SNTB2: variants seen among roughly 807,000 people sequenced by gnomAD.
SNTB2 encodes beta-2-syntrophin.
SNTB2 carries 34 observed loss-of-function variants against 46.2 expected under a neutral mutation model. The ratio of observed to expected loss-of-function variants is 0.74; its 90% CI spans 0.56 to 0.98. SNTB2 has a LOEUF of 0.98. SNTB2 is among the 50% of genes least tolerant of loss of function. SNTB2 has a pLI of 0.00. For missense variants in SNTB2, 603 were observed against 731.4 expected (o/e 0.82, Z 2.02); for synonymous variants, 290 against 312.6 (o/e 0.93, Z 0.76).
chr16:69,195,443 A>ATT (rs71383971), intron 1 of SNTB2, among the ~76,000 whole-genome samples: 42 of 139,094 alleles, frequency 3.0e-4, no homozygotes, highest in Admixed American at 6.5e-4. Context: ...CCTGGTTTGC[A>ATT]TTTTTTTTTT....
At position 69,308,298 on chromosome 16, in the gene SNTB2, C is replaced by T. The variant is rs1057285312; in HGVS notation, c.*7374C>T. 12 of 152,610 alleles carry T rather than the reference C, an allele frequency of 7.9e-5. No homozygotes were observed. Among genetic ancestry groups the T allele is most frequent in the African/African-American group, 2.9e-4 (12 of 41,430 alleles). 9.5% of individuals were successfully genotyped at this position (152,610 alleles called of 1,614,324 possible). ...AGCGGGTGTCAGTTGTGTCTTTTCA[C>T]CTCGATTTGTGAATTAATAGAATTG... On this transcript the variant is annotated 3_prime_UTR_variant, in exon 7 of 7. Coordinates refer to ENST00000336278, the MANE Select transcript of SNTB2 (RefSeq NM_006750.4).
chr16:69,258,157 C>G (rs1964796282), intron 2 of SNTB2, among the ~76,000 whole-genome samples: 1 of 152,158 alleles, frequency 6.6e-6, no homozygotes, highest in Admixed American at 6.5e-5. Flanking sequence ...CAAAAACTGT[C>G]TTCAGAAAAT....
chr16:69,290,873 A>G (rs1032755225), intron 5 of SNTB2, among the ~76,000 whole-genome samples: 1 of 152,186 alleles, frequency 6.6e-6, no homozygotes, highest in Non-Finnish European at 1.5e-5. Context: ...CCAGAACTAG[A>G]GCCTTAAGCC....
chr16:69,260,645 A>G (rs1430591021), intron 3 of SNTB2, among the ~76,000 whole-genome samples: 1 of 152,214 alleles, frequency 6.6e-6, no homozygotes, highest in Admixed American at 6.5e-5. Context: ...CAACTGTCAT[A>G]GGCAATAGGA....
At chr16:69,204,044 C>T (rs1964191090) in intron 1 of SNTB2, among the ~76,000 whole-genome samples, 1 of 152,180 alleles carries the variant, frequency 6.6e-6, no homozygotes. Flanking sequence ...AGGCACCCGC[C>T]ACCACGCCTG....
chr16:69,260,177 G>A lies in SNTB2; in HGVS notation c.922G>A (p.Ala308Thr). The A allele has an allele frequency of 1.2e-6, 2 of 1,614,124 alleles. No homozygotes were observed. Among genetic ancestry groups the A allele is most frequent in the Non-Finnish European group, 1.7e-6 (2 of 1,180,036 alleles). ...AATGGCTCTCCTCCCACAGGTGTTG[G>A]CTGAACTCAACGCCATGCTTGGGGC... ...NIMALLPQVL[A>T]ELNAMLGATS... Residue 308 changes from alanine to threonine, a missense_variant, in exon 3 of 7, where the codon GCT (alanine) becomes ACT (threonine). Ala to Thr is a moderately conservative substitution (Grantham distance 58). Around this residue, in one of 2 missense-constraint regions of SNTB2, gnomAD observed 537 missense variants for 692.4 expected, o/e 0.78. Transcript: ENST00000336278.
intron 2 of SNTB2, among the ~76,000 whole-genome samples, chr16:69,255,608 C>A (rs369927014): frequency 8.7e-4 from 131 of 150,868 alleles, no homozygotes; most frequent in Non-Finnish European, 1.2e-3. Context: ...GGGCTGGGCA[C>A]GATGGTTCAT....
Position 69,187,418 on chromosome 16 carries a change from CG to C in SNTB2, c.255del (p.Ser86AlafsTer34). Reference protein sequence around the residue: ...NGGGAGDSLPGSPSRGLGPPS... With the variant: ...NGGGAGDSLPXSPSRGLGPPS... The stretch of plus-strand genomic sequence containing the variant: ...GCGGCGGCGCGGGCGACTCGCTGCC[CG>C]GGAGCCCAAGCCGCGGCCTGGGGCC... On this transcript the variant is annotated frameshift_variant, in exon 1 of 7. Transcript: ENST00000336278. LOFTEE classifies it high-confidence loss of function. The C allele has an allele frequency of 8.2e-7, 1 of 1,222,692 alleles. No homozygotes were observed. Among genetic ancestry groups the C allele is most frequent in the Non-Finnish European group, 1.0e-6 (1 of 984,078 alleles). The allele number at this position is 1,222,692 out of a possible 1,614,324, so 75.7% of individuals were successfully genotyped here.
chr16:69,300,747 A>G, intron 6 of SNTB2, 85 bp from the exon 7 acceptor site: 1 of 931,018 alleles, frequency 1.1e-6, no homozygotes, highest in Non-Finnish European at 1.8e-6. Context: ...TTCTTTACCT[A>G]CCTTAAATTT....
At chr16:69,226,299 G>C in intron 1 of SNTB2, among the ~76,000 whole-genome samples, 1 of 151,684 alleles carries the variant, frequency 6.6e-6, no homozygotes, top group East Asian at 1.9e-4. Context: ...TTGAACTCCT[G>C]ACCTTAGGTG....
chr16:69,199,812 T>C (rs1175242373), intron 1 of SNTB2, among the ~76,000 whole-genome samples: 7 of 152,104 alleles, frequency 4.6e-5, no homozygotes, highest in Admixed American at 2.0e-4. Flanking sequence ...AGTTTAAGAC[T>C]TAGATGCCAA....
chr16:69,258,655 A>G (rs1012070163), intron 2 of SNTB2, among the ~76,000 whole-genome samples: 2 of 124,492 alleles, frequency 1.6e-5, no homozygotes, highest in Non-Finnish European at 3.1e-5. Context: ...TTTGTCGCCC[A>G]GGCTGGAGTG....
intron 4 of SNTB2, among the ~76,000 whole-genome samples, chr16:69,280,642 C>T (rs953569561): frequency 6.6e-6 from 1 of 152,176 alleles, no homozygotes; most frequent in Non-Finnish European, 1.5e-5. Context: ...AGAGGGGCTC[C>T]TCACTTCCCA....
intron 1 of SNTB2, among the ~76,000 whole-genome samples, chr16:69,198,528 A>G (rs767928524): frequency 3.3e-5 from 5 of 152,090 alleles, no homozygotes; most frequent in South Asian, 2.1e-4. Flanking sequence ...TTATTCCTCT[A>G]CCACTTACAT....
At chr16:69,266,330 C>G (rs1434580969) in intron 3 of SNTB2, among the ~76,000 whole-genome samples, 1 of 152,110 alleles carries the variant, frequency 6.6e-6, no homozygotes, top group East Asian at 1.9e-4. Context: ...GGCCATTGTC[C>G]TCCAGCCTGG....
intron 1 of SNTB2, among the ~76,000 whole-genome samples, chr16:69,239,074 CACTCCTGTTAGTA>C (rs1964585509): frequency 6.6e-6 from 1 of 152,170 alleles, no homozygotes; most frequent in South Asian, 2.1e-4. Flanking sequence ...TACTGTCTAA[CACTCCTGTTAGTA>C]ACTCCTGTTA....
Position 69,304,027 on chromosome 16 carries a change from A to C in SNTB2, c.*3103A>C, listed in dbSNP as rs1393371180. 6.6e-6 allele frequency: 1 copy of C among 152,182 alleles called. No individual in the cohort carries two copies. The highest frequency in any genetic ancestry group is 2.4e-5 in the African/African-American group (1 of 41,450). The allele number at this position is 152,182 out of a possible 1,614,324, so 9.4% of individuals were successfully genotyped here. A position where few individuals can be genotyped will look rare whatever the true frequency, so the allele number is the denominator to read the frequency against. ...CCCGGGGCTTCGACAGCTTCTCCAC[A>C]TTCCACACAGATGCCTAGGAGCAGC... On this transcript the variant is annotated 3_prime_UTR_variant, in exon 7 of 7. Coordinates refer to ENST00000336278, the MANE Select transcript of SNTB2 (RefSeq NM_006750.4).
intron 4 of SNTB2, among the ~76,000 whole-genome samples, chr16:69,280,391 G>A (rs867713938): frequency 2.6e-5 from 4 of 152,224 alleles, no homozygotes; most frequent in East Asian, 1.9e-4. Flanking sequence ...CCTCCCAGAC[G>A]GGGTGGTTGC....
intron 1 of SNTB2, among the ~76,000 whole-genome samples, chr16:69,201,722 TCA>T (rs1964162906): frequency 1.3e-5 from 2 of 152,222 alleles, no homozygotes; most frequent in African/African-American, 4.8e-5. Flanking sequence ...GAAATTATTC[TCA>T]GATTGTCAGA....
Sources: gnomAD v4.1 joint callset for allele counts (sites outside exome capture counted in the v4.1 genomes callset) on GRCh38, gnomAD v4.1.1 for gene constraint, gnomAD v4.1.1 regional missense constraint, MANE v1.5 for transcripts, NCBI Gene and HGNC (gene_info 2026-07-23, HGNC 2026-07-21) for gene names.